The following DTD1 variants were observed in gnomAD, a reference collection of about 807,000 sequenced individuals.
DTD1 encodes the protein D-aminoacyl-tRNA deacylase 1.
In DTD1, 13 loss-of-function variants were observed where a neutral mutation model predicts 25.6. That is an observed-to-expected ratio of 0.51 (90% CI 0.33 to 0.81). The LOEUF (loss-of-function observed/expected upper bound fraction) is 0.81. DTD1 is among the 30% of genes least tolerant of loss of function. The pLI is 0.02. For synonymous variants in DTD1, 110 were observed against 103.6 expected (o/e 1.06, Z -0.37); for missense variants, 193 against 266.4 (o/e 0.72, Z 1.92).
intron 4 of DTD1, 49 bp from the exon 5 acceptor site, chr20:18,744,051 G>GC: frequency 6.5e-7 from 1 of 1,533,082 alleles, no homozygotes; most frequent in South Asian, 1.2e-5. Flanking sequence ...GGATACACAG[G>GC]CATGTGTTTG....
At position 18,593,753 on chromosome 20, in the gene DTD1, C is replaced by T; in HGVS notation, c.66C>T (p.Ala22=). ...TAGTTGGAGGAGAGCAGATTAGTGC[C>T]ATTGGAAGGGGCATATGTGTGTTGC... ...SVTVGGEQIS[A]IGRGICVLLG... Residue 22 remains alanine (A), a synonymous_variant, in exon 2 of 6, where the codon GCC becomes GCT. Coordinates refer to ENST00000377452, the MANE Select transcript of DTD1 (RefSeq NM_080820.6). 2 of 1,613,956 alleles carry T rather than the reference C, an allele frequency of 1.2e-6. No homozygotes were observed. Among genetic ancestry groups the T allele is most frequent in the South Asian group, 2.2e-5 (2 of 91,058 alleles).
rs886678182 is a variant in DTD1 at position 18,680,043 on chromosome 20, A to G, written c.477+51810A>G. 4.6e-5 allele frequency among the ~76,000 whole-genome samples: 7 copies of G among 152,182 alleles called. No individual in the cohort carries two copies. The South Asian group carries it at 1.2e-3, about 27-fold the overall frequency. ...TTTGGACACCTTCCTTAGGTGTTGT[A>G]GAGACTATAGACCTAGGTAGATTTA... On this transcript the variant is annotated intron_variant, in intron 4 of 5. Coordinates refer to ENST00000377452, the MANE Select transcript of DTD1 (RefSeq NM_080820.6).
intron 4 of DTD1, chr20:18,632,570 C>T (rs1415644176): frequency 1.0e-6 from 1 of 985,296 alleles, no homozygotes; most frequent in Non-Finnish European, 1.2e-6. Flanking sequence ...GATAGATAAA[C>T]ACGTGTTTCT....
chr20:18,708,242 A>ATTT (rs373880898), intron 4 of DTD1, among the ~76,000 whole-genome samples: 1 of 31,702 alleles, frequency 3.2e-5, no homozygotes, highest in African/African-American at 2.0e-4. Flanking sequence ...TTATATATAT[A>ATTT]TAATATATAT....
chr20:18,655,986 G>A (rs1019654236), intron 4 of DTD1, among the ~76,000 whole-genome samples: 1 of 152,070 alleles, frequency 6.6e-6, no homozygotes, highest in African/African-American at 2.4e-5. Context: ...GGCCAGGCTG[G>A]TCTTGAACTC....
chr20:18,710,305 C>A (rs2061153532), intron 4 of DTD1, among the ~76,000 whole-genome samples: 1 of 151,692 alleles, frequency 6.6e-6, no homozygotes, highest in Non-Finnish European at 1.5e-5. Context: ...AAGATCATTT[C>A]ATAAAAAATG....
At chr20:18,707,120 G>A (rs2061129775) in intron 4 of DTD1, among the ~76,000 whole-genome samples, 1 of 152,196 alleles carries the variant, frequency 6.6e-6, no homozygotes, top group African/African-American at 2.4e-5. Flanking sequence ...TCACCTGTAA[G>A]CAGTTAACGT....
At chr20:18,594,041 G>A (rs6081233) in intron 2 of DTD1, among the ~76,000 whole-genome samples, 91,192 of 152,006 alleles carry the variant, frequency 0.6, 27,604 homozygotes, top group Middle Eastern at 0.66. Context: ...AGCACCGCCT[G>A]TCCCCTGTCT....
chr20:18,614,356 A>C (rs938064024), intron 3 of DTD1, among the ~76,000 whole-genome samples: 1 of 152,158 alleles, frequency 6.6e-6, no homozygotes, highest in Non-Finnish European at 1.5e-5. Flanking sequence ...ATTGTGTAAA[A>C]ATGCACTCCT....
At chr20:18,625,587 T>C (rs1179127903) in intron 3 of DTD1, among the ~76,000 whole-genome samples, 2 of 152,120 alleles carry the variant, frequency 1.3e-5, no homozygotes, top group East Asian at 1.9e-4. Flanking sequence ...TCCCAAAGGC[T>C]CTAGGCACAA....
chr20:18,705,127 A>C (rs964030311), intron 4 of DTD1, among the ~76,000 whole-genome samples: 2 of 152,196 alleles, frequency 1.3e-5, no homozygotes, highest in African/African-American at 4.8e-5. Context: ...TTTCCATCAC[A>C]GATAATTCGG....
At chr20:18,759,155 A>T (rs1459540586) in intron 5 of DTD1, among the ~76,000 whole-genome samples, 1 of 152,126 alleles carries the variant, frequency 6.6e-6, no homozygotes, top group Non-Finnish European at 1.5e-5. Flanking sequence ...GGGTTTCCTG[A>T]ATACAGCACA....
At chr20:18,702,973 G>C (rs6045564) in intron 4 of DTD1, among the ~76,000 whole-genome samples, 1 of 152,166 alleles carries the variant, frequency 6.6e-6, no homozygotes, top group South Asian at 2.1e-4. Context: ...TCCTTTCACT[G>C]TCCTGCTGGG....
At chr20:18,760,931 A>G (rs965235308) in intron 5 of DTD1, among the ~76,000 whole-genome samples, 1 of 152,152 alleles carries the variant, frequency 6.6e-6, no homozygotes, top group Non-Finnish European at 1.5e-5. Context: ...AGCCTCGGCA[A>G]TGGTGGGCGC....
chr20:18,675,617 T>G (rs932604742), intron 4 of DTD1: 9 of 152,132 alleles, frequency 5.9e-5, no homozygotes, highest in African/African-American at 1.7e-4. Flanking sequence ...TACTTAATCT[T>G]GTTTTTAAAA....
chr20:18,760,938 G>T (rs920198877), intron 5 of DTD1, among the ~76,000 whole-genome samples: 1 of 152,128 alleles, frequency 6.6e-6, no homozygotes, highest in Non-Finnish European at 1.5e-5. Flanking sequence ...GCAATGGTGG[G>T]CGCCCCTCCC....
chr20:18,757,080 T>C (rs1457412447), intron 5 of DTD1, among the ~76,000 whole-genome samples: 1 of 151,904 alleles, frequency 6.6e-6, no homozygotes, highest in African/African-American at 2.4e-5. Context: ...TTGTCTGTTA[T>C]TGGTGTATAA....
chr20:18,690,191 ATTTGTT>A (rs78686622), intron 4 of DTD1, among the ~76,000 whole-genome samples: 54,529 of 150,788 alleles, frequency 0.36, 10,134 homozygotes, highest in Non-Finnish European at 0.41. Context: ...AAATTGAATT[ATTTGTT>A]TTTGTCTTGT....
chr20:18,732,882 C>T (rs945647995), intron 4 of DTD1, among the ~76,000 whole-genome samples: 1 of 152,132 alleles, frequency 6.6e-6, no homozygotes, highest in Non-Finnish European at 1.5e-5. Flanking sequence ...CCGCCATGGC[C>T]TTCCAATATG....
Sources: gnomAD v4.1 joint callset for allele counts (sites outside exome capture counted in the v4.1 genomes callset) on GRCh38, gnomAD v4.1.1 for gene constraint, MANE v1.5 for transcripts, NCBI Gene and HGNC (gene_info 2026-07-23, HGNC 2026-07-21) for gene names.